INTS6: variants seen among roughly 807,000 people sequenced by gnomAD.
INTS6 encodes integrator complex subunit 6.
INTS6 carries 16 observed loss-of-function variants against 104.9 expected under a neutral mutation model. The ratio of observed to expected loss-of-function variants is 0.15; its 90% CI spans 0.10 to 0.23. The LOEUF (loss-of-function observed/expected upper bound fraction) is 0.23. Ranked by LOEUF, INTS6 falls within the 10% of genes least tolerant of loss-of-function variation. INTS6 has a pLI of 1.00. For synonymous variants in INTS6, 324 were observed against 358.7 expected, an observed-to-expected ratio of 0.90 and a Z score of 1.09; for missense variants, 584 against 1,062.8, an observed-to-expected ratio of 0.55 and a Z score of 6.26.
Position 51,452,786 on chromosome 13 carries a change from C to G in INTS6, c.-261G>C, listed in dbSNP as rs1953093435. 2 of 1,205,968 alleles carry G rather than the reference C, an allele frequency of 1.7e-6. No homozygotes were observed. Among genetic ancestry groups the G allele is most frequent in the Non-Finnish European group, 2.1e-6 (2 of 964,370 alleles). 74.7% of individuals were successfully genotyped at this position (1,205,968 alleles called of 1,614,324 possible). A position where few individuals can be genotyped will look rare whatever the true frequency, so the allele number is the denominator to read the frequency against. ...CCTGCCCGCTGGGGCGGGCGCCCAG[C>G]CGTCTGTCTGTCGGTTCGTCCCCCC... On this transcript the variant is annotated 5_prime_UTR_variant, in exon 1 of 18. Transcript: ENST00000311234. The surrounding 1 kb of genome is among the most constrained non-coding windows in gnomAD (Gnocchi z 4.2).
intron 10 of INTS6, 107 bp from the exon 11 acceptor site, chr13:51,379,679 T>G: frequency 1.9e-6 from 1 of 530,864 alleles, no homozygotes; most frequent in Non-Finnish European, 3.3e-6. Context: ...TCCCCTTCTT[T>G]TCCTCAATAA....
the INTS6 span, chr13:51,341,382 C>T: frequency 1.9e-6 from 3 of 1,539,802 alleles, no homozygotes; most frequent in East Asian, 7.3e-5. Flanking sequence ...CTCACTTACC[C>T]TCCTGTTCAC....
intron 3 of INTS6, chr13:51,440,748 G>A (rs1274129121): frequency 1.3e-5 from 2 of 152,110 alleles, no homozygotes; most frequent in Non-Finnish European, 2.9e-5. Flanking sequence ...AGGAGCAATG[G>A]GTCATATACC....
intron 3 of INTS6, chr13:51,439,935 TGTAA>T (rs1349906836): frequency 6.6e-6 from 1 of 151,834 alleles, no homozygotes; most frequent in African/African-American, 2.4e-5. Flanking sequence ...GAAAAATGAG[TGTAA>T]GTCTTAGTTT....
intron 4 of INTS6, among the ~76,000 whole-genome samples, chr13:51,412,434 T>G (rs925163890): frequency 1.3e-5 from 2 of 152,224 alleles, no homozygotes; most frequent in African/African-American, 2.4e-5. Flanking sequence ...TGTCTTATAT[T>G]GTACCATGCT....
In INTS6 at chr13:51,369,202, G is replaced by C. The variant is rs199886113; in HGVS notation, c.2213C>G (p.Ala738Gly). 297 of 1,613,848 alleles carry C rather than the reference G, an allele frequency of 1.8e-4. 3 individuals are homozygous for C. The East Asian group carries it at 4.4e-3, about 24-fold the overall frequency. ...TTCCAGTAAACTGGCTGGAGAAGAT[G>C]CTGAAAATTCCGTATCCATAGCATT... is the stretch of plus-strand genomic sequence containing the variant. The part of the protein sequence containing the change: ...TPNAMDTEFS[A>G]SSPASLLERP... The change falls in exon 16 of 18, where the codon GCA becomes GGA. Residue 738 changes from alanine to glycine, a missense_variant. Physicochemically the swap from Ala to Gly is moderately conservative, Grantham distance 60. Transcript: ENST00000311234.
chr13:51,398,113 G>C (rs566553892), intron 4 of INTS6, among the ~76,000 whole-genome samples: 1 of 152,112 alleles, frequency 6.6e-6, no homozygotes, highest in South Asian at 2.1e-4. Context: ...GGGAAAATCC[G>C]CTATAGTTTA....
At chr13:51,442,922 A>C (rs932105568) in intron 3 of INTS6, 9 of 152,236 alleles carry the variant, frequency 5.9e-5, no homozygotes, top group African/African-American at 2.2e-4. Flanking sequence ...GAATCCAACT[A>C]AAGCTAATTT....
the INTS6 span, chr13:51,344,591 ACAG>A: frequency 1.2e-6 from 1 of 847,466 alleles, no homozygotes; most frequent in Admixed American, 2.1e-5. Context: ...ACCTTCAATT[ACAG>A]CAGAAGTCTG....
chr13:51,366,128 C>CA (rs1285666710), intron 17 of INTS6, among the ~76,000 whole-genome samples: 2 of 151,734 alleles, frequency 1.3e-5, no homozygotes, highest in Admixed American at 6.6e-5. Context: ...AACAAAAAAA[C>CA]AAAAAACTAA....
At chr13:51,386,151 C>T (rs1040919224) in intron 7 of INTS6, among the ~76,000 whole-genome samples, 1 of 152,000 alleles carries the variant, frequency 6.6e-6, no homozygotes, top group African/African-American at 2.4e-5. Context: ...ATACTATTTC[C>T]TTCTCCAATT....
intron 3 of INTS6, chr13:51,439,763 A>G (rs969559580): frequency 2.0e-5 from 3 of 152,230 alleles, no homozygotes; most frequent in African/African-American, 7.2e-5. Context: ...CTGGATAGCT[A>G]CTTATGGCTT....
the INTS6 span, chr13:51,348,241 G>T: frequency 1.9e-6 from 3 of 1,600,496 alleles, no homozygotes; most frequent in Non-Finnish European, 2.6e-6. Context: ...CAGGCCATCA[G>T]GTGGGGGTGC....
the INTS6 span, chr13:51,344,177 A>T: frequency 9.7e-7 from 1 of 1,033,148 alleles, no homozygotes; most frequent in Non-Finnish European, 1.5e-6. Flanking sequence ...ATCTCAATGC[A>T]ATGTGTGCTG....
At chr13:51,355,884 G>A (rs1955473593) in intron 3 of INTS6, among the ~76,000 whole-genome samples, 1 of 152,198 alleles carries the variant, frequency 6.6e-6, no homozygotes, top group East Asian at 1.9e-4. Flanking sequence ...GTGCAAAGAT[G>A]ATACTGTAGC....
At chr13:51,355,099 C>T in intron 3 of INTS6, 1 of 1,552,266 alleles carries the variant, frequency 6.4e-7, no homozygotes. Flanking sequence ...TGGGGAGTCA[C>T]CGATCTTTTT....
At chr13:51,347,963 C>A in the INTS6 span, among the ~76,000 whole-genome samples, 4 of 152,090 alleles carry the variant, frequency 2.6e-5, no homozygotes, top group South Asian at 2.1e-4. Context: ...TCGTCCCCCC[C>A]CCCATACCCA....
chr13:51,368,312 T>C (rs1955732641), intron 16 of INTS6, among the ~76,000 whole-genome samples: 1 of 152,084 alleles, frequency 6.6e-6, no homozygotes, highest in South Asian at 2.1e-4. Flanking sequence ...TATTTCAGTT[T>C]AAAGTTTTCA....
At chr13:51,448,925 G>C (rs1952979297) in intron 3 of INTS6, 1 of 152,060 alleles carries the variant, frequency 6.6e-6, no homozygotes, top group Non-Finnish European at 1.5e-5. Flanking sequence ...CAGATACAAA[G>C]TACTTTTACA....
Sources: allele counts gnomAD v4.1 joint callset (sites outside exome capture counted in the v4.1 genomes callset), GRCh38; gene constraint gnomAD v4.1.1; non-coding constraint Gnocchi (gnomAD v3.1); transcripts MANE v1.5; gene names NCBI Gene and HGNC (gene_info 2026-07-23, HGNC 2026-07-21).